The following GLIS1 variants were observed in gnomAD, a reference collection of about 807,000 sequenced individuals.
GLIS1 encodes the protein zinc finger protein GLIS1.
In GLIS1, 24 loss-of-function variants were observed where a neutral mutation model predicts 63.8. The observed-to-expected ratio is 0.38, with a 90% CI of 0.27 to 0.53. The LOEUF is 0.53. GLIS1 is among the 20% of genes least tolerant of loss of function. The probability of loss-of-function intolerance (pLI) is 0.85; values close to 1 mark genes in which losing one functional copy is unlikely to be tolerated. For synonymous variants in GLIS1, 450 were observed against 482.5 expected (o/e 0.93, Z 0.88); for missense variants, 1,036 against 1,074.1 (o/e 0.96, Z 0.50).
chr1:53,721,634 T>C (rs1298806772), intron 2 of GLIS1, among the ~76,000 whole-genome samples: 1 of 152,232 alleles, frequency 6.6e-6, no homozygotes, highest in Admixed American at 6.5e-5. Context: ...GAGGAGGGGT[T>C]CTGTCTAAAG....
rs75408191 is a variant in GLIS1, at chr1:53,682,874, G to A, written c.259+54932C>T. On this transcript the variant is annotated intron_variant, in intron 2 of 10. Transcript: ENST00000628545. The stretch of plus-strand genomic sequence containing the variant: ...GCCTTGAGCTCAGCACCTAGTGAGG[G>A]GTCAGAGAGCAATCAAGGAACCATA... Among the ~76,000 whole-genome samples, 243 of 152,278 alleles carry A rather than the reference G, an allele frequency of 1.6e-3. 1 individual carries two copies. Among genetic ancestry groups the A allele is most frequent in the African/African-American group, 5.4e-3 (223 of 41,550 alleles).
chr1:53,663,272 C>T (rs142789816), intron 2 of GLIS1, among the ~76,000 whole-genome samples: 21 of 152,310 alleles, frequency 1.4e-4, no homozygotes, highest in African/African-American at 5.1e-4. Flanking sequence ...TTCTAAATTC[C>T]GGTACAGGGC....
In GLIS1 at chr1:53,516,200, T is replaced by G. The variant is rs74086343; in HGVS notation, c.1727-1419A>C. ...ATGCTGAATAGCACTCTGGTTACCA[T>G]GGATCCAGACCAGTGCTCTTATTAC... On this transcript the variant is annotated intron_variant, in intron 7 of 10. Transcript: ENST00000628545. 6.0e-3 allele frequency among the ~76,000 whole-genome samples: 914 copies of G among 152,244 alleles called. 8 individuals are homozygous for G. Among genetic ancestry groups the G allele is most frequent in the African/African-American group, 0.021 (877 of 41,566 alleles).
In GLIS1 at chr1:53,560,771, G is replaced by A. The variant is rs543638901; in HGVS notation, c.1321-30819C>T. ...CTGCTCAGTGGATGCCTCAGAAGTG[G>A]CCCACGACAGTGGCGATGAGTCCTT... On this transcript the variant is annotated intron_variant, in intron 4 of 10. Transcript: ENST00000628545. This position sits in a 1 kb window ranked among gnomAD's most constrained non-coding sequence, Gnocchi z 4.4. Among the ~76,000 whole-genome samples, 77 of 152,304 alleles carry A rather than the reference G, an allele frequency of 5.1e-4. No individual in the cohort carries two copies. Among genetic ancestry groups the A allele is most frequent in the African/African-American group, 1.8e-3 (73 of 41,570 alleles).
At chr1:53,644,908 T>C (rs1200362464) in intron 2 of GLIS1, among the ~76,000 whole-genome samples, 3 of 152,240 alleles carry the variant, frequency 2.0e-5, no homozygotes, top group Non-Finnish European at 4.4e-5. Flanking sequence ...GAAAGCAGAC[T>C]GTCTCGCTTA....
intron 2 of GLIS1, among the ~76,000 whole-genome samples, chr1:53,614,585 C>A (rs1470761047): frequency 6.6e-6 from 1 of 152,132 alleles, no homozygotes; most frequent in South Asian, 2.1e-4. Flanking sequence ...CCAGACTCGA[C>A]AGGTGGGAAA....
intron 2 of GLIS1, among the ~76,000 whole-genome samples, chr1:53,712,525 A>G (rs990384213): frequency 2.0e-5 from 3 of 152,216 alleles, no homozygotes; most frequent in African/African-American, 7.2e-5. Flanking sequence ...ACAACTGGTA[A>G]TACCTGTGCA....
intron 6 of GLIS1, among the ~76,000 whole-genome samples, chr1:53,524,358 G>A (rs541797046): frequency 4.3e-4 from 66 of 152,308 alleles, no homozygotes; most frequent in African/African-American, 1.3e-3. Context: ...CATCTCTCTC[G>A]CCATCTTAAT....
intron 2 of GLIS1, among the ~76,000 whole-genome samples, chr1:53,665,322 G>T (rs545569498): frequency 6.6e-6 from 1 of 152,238 alleles, no homozygotes; most frequent in East Asian, 1.9e-4. Flanking sequence ...GGAGGTATAT[G>T]TTGGGGATGC....
chr1:53,722,053 G>A (rs1278967791), intron 2 of GLIS1, among the ~76,000 whole-genome samples: 5 of 152,182 alleles, frequency 3.3e-5, no homozygotes, highest in Admixed American at 3.3e-4. Context: ...CACAATACCT[G>A]TTTGACTATA....
chr1:53,650,315 C>T lies in GLIS1; in HGVS notation c.260-50037G>A, dbSNP rs561619845. ...ATAAAAAAGACCACACTTGGCCGGG[C>T]GAGGTGGCTCACACCTGTAATCAAA... On this transcript the variant is annotated intron_variant, in intron 2 of 10. Coordinates refer to ENST00000628545, the MANE Select transcript of GLIS1 (RefSeq NM_001367484.1). Among the ~76,000 whole-genome samples the T allele has an allele frequency of 1.1e-4, 16 of 152,076 alleles. No individual in the cohort carries two copies. The East Asian group carries it at 2.3e-3, about 22-fold the overall frequency.
At chr1:53,573,180 A>G (rs911585819) in intron 4 of GLIS1, among the ~76,000 whole-genome samples, 1 of 152,192 alleles carries the variant, frequency 6.6e-6, no homozygotes, top group Non-Finnish European at 1.5e-5. Flanking sequence ...ACTGAGCTCA[A>G]TTACCAAGTG....
chr1:53,696,455 C>T (rs1381023287), intron 2 of GLIS1, among the ~76,000 whole-genome samples: 3 of 152,180 alleles, frequency 2.0e-5, no homozygotes, highest in Admixed American at 2.0e-4. Flanking sequence ...ACACAGGATC[C>T]ACGACCCAGA....
intron 4 of GLIS1, among the ~76,000 whole-genome samples, chr1:53,549,802 T>C (rs1456609297): frequency 6.6e-6 from 1 of 152,190 alleles, no homozygotes; most frequent in Non-Finnish European, 1.5e-5. Context: ...GTATTTTAAC[T>C]CCCACAACGC....
intron 2 of GLIS1, among the ~76,000 whole-genome samples, chr1:53,650,311 C>A (rs56198574): frequency 6.6e-6 from 1 of 152,032 alleles, no homozygotes; most frequent in Admixed American, 6.6e-5. Context: ...CACACTTGGC[C>A]GGGCGAGGTG....
At chr1:53,619,918 TC>T (rs1187903726) in intron 2 of GLIS1, among the ~76,000 whole-genome samples, 2 of 152,206 alleles carry the variant, frequency 1.3e-5, no homozygotes, top group African/African-American at 4.8e-5. Context: ...CCTCCAGAGT[TC>T]CCATCAGGCA....
chr1:53,700,049 C>T (rs72660669), intron 2 of GLIS1, among the ~76,000 whole-genome samples: 1,657 of 152,316 alleles, frequency 0.011, 16 homozygotes, highest in Non-Finnish European at 0.016. Flanking sequence ...GCTTCCCTGA[C>T]CCAAAGCCAG....
Position 53,520,686 on chromosome 1 carries a change from C to G in GLIS1, c.1674G>C (p.Leu558=). The change falls in exon 7 of 11, where the codon CTG becomes CTC. Residue 558 remains leucine (L), a synonymous_variant. Coordinates refer to ENST00000628545, the MANE Select transcript of GLIS1 (RefSeq NM_001367484.1). The part of the protein sequence containing the change: ...VLQQLHTSTQ[L]AASDGKGGCG... Reference sequence around the variant, plus strand: ...AGCCACCCTTGCCGTCGCTGGCAGCCAGCTGTGTGGACGTGTGGAGCTGCT... The same window carrying G: ...AGCCACCCTTGCCGTCGCTGGCAGCGAGCTGTGTGGACGTGTGGAGCTGCT... The G allele has an allele frequency of 6.2e-7, 1 of 1,609,868 alleles. No individual in the cohort carries two copies. Among genetic ancestry groups the G allele is most frequent in the Non-Finnish European group, 8.5e-7 (1 of 1,178,640 alleles).
At chr1:53,681,375 C>T (rs929537714) in intron 2 of GLIS1, among the ~76,000 whole-genome samples, 8 of 152,226 alleles carry the variant, frequency 5.3e-5, no homozygotes, top group African/African-American at 1.9e-4. Flanking sequence ...CTGCTGCCTG[C>T]ATCTCTGCCA....
Sources: allele counts gnomAD v4.1 joint callset (sites outside exome capture counted in the v4.1 genomes callset), GRCh38; gene constraint gnomAD v4.1.1; non-coding constraint Gnocchi (gnomAD v3.1); transcripts MANE v1.5; gene names NCBI Gene and HGNC (gene_info 2026-07-23, HGNC 2026-07-21).